WDR35: variants seen among roughly 807,000 people sequenced by gnomAD.
WDR35 encodes WD repeat-containing protein 35.
WDR35 carries 118 observed loss-of-function variants against 158.3 expected under a neutral mutation model. The observed-to-expected ratio is 0.75, with a 90% CI of 0.64 to 0.87. The LOEUF (loss-of-function observed/expected upper bound fraction) is 0.87. WDR35 is among the 40% of genes least tolerant of loss of function. The pLI, the probability that WDR35 is intolerant of heterozygous loss-of-function variation, is 0.00. For synonymous variants in WDR35, 448 were observed against 476.1 expected (o/e 0.94, Z 0.77); for missense variants, 1,263 against 1,405.8 (o/e 0.90, Z 1.62).
At chr2:19,957,604 GA>G (rs1317889302) in intron 11 of WDR35, among the ~76,000 whole-genome samples, 1 of 151,028 alleles carries the variant, frequency 6.6e-6, no homozygotes, top group East Asian at 1.9e-4. Flanking sequence ...CCAGGCTGGA[GA>G]GCTGTGGCAC....
chr2:19,934,947 C>T lies in WDR35; in HGVS notation c.2547+524G>A, dbSNP rs115170817. On this transcript the variant is annotated intron_variant, in intron 21 of 26. Coordinates refer to ENST00000281405, the MANE Select transcript of WDR35 (RefSeq NM_020779.4). This position sits in a 1 kb window ranked among gnomAD's most constrained non-coding sequence, Gnocchi z 4.6. ...ACGGCTCAGTGATTCACATATTAAA[C>T]ACATAAAATACAAACTTATTTACAG... The T allele has an allele frequency of 3.1e-3, 468 of 153,330 alleles. No individual in the cohort carries two copies. The highest frequency in any genetic ancestry group is 4.8e-3 in the Non-Finnish European group (332 of 68,932). The allele number at this position is 153,330 out of a possible 1,614,324, so 9.5% of individuals were successfully genotyped here.
chr2:19,930,504 T>C lies in WDR35; in HGVS notation c.3013A>G (p.Thr1005Ala). The change falls in exon 25 of 27, where the codon ACA becomes GCA. Residue 1005 changes from threonine to alanine, a missense_variant. Thr to Ala is a moderately conservative substitution (Grantham distance 58). Coordinates refer to ENST00000281405, the MANE Select transcript of WDR35 (RefSeq NM_020779.4). The stretch of plus-strand genomic sequence containing the variant: ...CATGCATTATCTGTGAAACGATCTG[T>C]TGTAGACAGAACTTCTTCTTCCAGC... The part of the protein sequence containing the change: ...GLLEEEVLST[T>A]DRFTDNAWRG... The C allele has an allele frequency of 1.2e-6, 2 of 1,614,196 alleles. No homozygotes were observed. Among genetic ancestry groups the C allele is most frequent in the Non-Finnish European group, 1.7e-6 (2 of 1,180,036 alleles).
rs1429328188 is a variant in WDR35, at chr2:19,990,025, C to T, written c.-10G>A. The T allele has an allele frequency of 1.2e-6, 2 of 1,613,872 alleles. No homozygotes were observed. Among genetic ancestry groups the T allele is most frequent in the Non-Finnish European group, 1.7e-6 (2 of 1,179,896 alleles). On this transcript the variant is annotated 5_prime_UTR_variant, in exon 1 of 27. Transcript: ENST00000281405. ...TCAGGTAGAAGAACATCGTGGGATC[C>T]CCGAGAGGGTCACGGCGGCCGCTAA...
intron 25 of WDR35, among the ~76,000 whole-genome samples, chr2:19,924,612 A>G (rs1480497653): frequency 6.6e-6 from 1 of 152,224 alleles, no homozygotes; most frequent in Non-Finnish European, 1.5e-5. Flanking sequence ...ATAGTGCTGC[A>G]GTTATTAGCT....
intron 10 of WDR35, among the ~76,000 whole-genome samples, chr2:19,963,349 C>T (rs76373115): frequency 0.085 from 12,866 of 151,124 alleles, 637 homozygotes; most frequent in East Asian, 0.23. Flanking sequence ...GCACATTCTG[C>T]TTTCTCTGTA....
chr2:19,954,942 C>T (rs1157775634), intron 11 of WDR35, among the ~76,000 whole-genome samples: 1 of 152,164 alleles, frequency 6.6e-6, no homozygotes, highest in Non-Finnish European at 1.5e-5. Flanking sequence ...CCCAGTCCTT[C>T]CTCCCATCCC....
Position 19,983,600 on chromosome 2 carries a change from C to T in WDR35, c.143-1066G>A, listed in dbSNP as rs938426988. On this transcript the variant is annotated intron_variant, in intron 2 of 26. Coordinates refer to ENST00000281405, the MANE Select transcript of WDR35 (RefSeq NM_020779.4). ...TTTAAAATACAAATGTTATGAAGATCTTAAGAATTTGTGAGAATGGGAATT... is the reference window on the plus strand; with the variant it reads ...TTTAAAATACAAATGTTATGAAGATTTTAAGAATTTGTGAGAATGGGAATT... 7.9e-5 allele frequency among the ~76,000 whole-genome samples: 12 copies of T among 152,180 alleles called. No homozygotes were observed. In the South Asian group the frequency reaches 2.3e-3, roughly 29 times the overall value.
intron 18 of WDR35, 21 bp downstream of exon 18, chr2:19,938,244 G>C: frequency 6.2e-7 from 1 of 1,613,972 alleles, no homozygotes; most frequent in Non-Finnish European, 8.5e-7. Flanking sequence ...CATCCTGGGA[G>C]AGTTTGCTTT....
chr2:19,914,971 G>A (rs1329939022), intron 25 of WDR35, among the ~76,000 whole-genome samples: 1 of 152,076 alleles, frequency 6.6e-6, no homozygotes, highest in African/African-American at 2.4e-5. Flanking sequence ...AGCATTAGGA[G>A]AAATACCTAA....
rs1369326817 is a variant in WDR35 at position 19,964,345 on chromosome 2, TC to T, written c.1194+2378del. Among the ~76,000 whole-genome samples the T allele has an allele frequency of 7.2e-5, 11 of 151,772 alleles. No homozygotes were observed. The East Asian group carries it at 2.1e-3, about 29-fold the overall frequency. On this transcript the variant is annotated intron_variant, in intron 10 of 26. Coordinates refer to ENST00000281405, the MANE Select transcript of WDR35 (RefSeq NM_020779.4). Reference sequence around the variant, plus strand: ...CCTGTATTTTGTATATTTTGCCTGTTCACTCTTTTTTTTTCTTTTTTCTTTC... The same window carrying T: ...CCTGTATTTTGTATATTTTGCCTGTTACTCTTTTTTTTTCTTTTTTCTTTC...
At chr2:19,933,860 T>C (rs1158676436) in intron 21 of WDR35, among the ~76,000 whole-genome samples, 4 of 152,168 alleles carry the variant, frequency 2.6e-5, no homozygotes, top group African/African-American at 4.8e-5. Flanking sequence ...CAATTGGTGG[T>C]ATACTCAGTG....
rs1249493379 is a variant in WDR35 at position 19,912,334 on chromosome 2, C to T, written c.*1224G>A. ...ACCATTGTACCAAGGTAATTTTCCA[C>T]GAGGCGCATGAATAGAGACAGAGAC... is the stretch of plus-strand genomic sequence containing the variant. On this transcript the variant is annotated 3_prime_UTR_variant, in exon 27 of 27. Coordinates refer to ENST00000281405, the MANE Select transcript of WDR35 (RefSeq NM_020779.4). 2 of 152,144 alleles carry T rather than the reference C, an allele frequency of 1.3e-5. No homozygotes were observed. Among genetic ancestry groups the T allele is most frequent in the African/African-American group, 2.4e-5 (1 of 41,414 alleles). The allele number at this position is 152,144 out of a possible 1,614,324, so 9.4% of individuals were successfully genotyped here.
At chr2:19,949,787 G>C (rs1488237577) in intron 13 of WDR35, among the ~76,000 whole-genome samples, 1 of 152,144 alleles carries the variant, frequency 6.6e-6, no homozygotes, top group Non-Finnish European at 1.5e-5. Context: ...GGAAATTTAG[G>C]AAACAGAATC....
intron 9 of WDR35, 58 bp from the exon 10 acceptor site, chr2:19,966,967 T>C: frequency 6.5e-7 from 1 of 1,543,712 alleles, no homozygotes; most frequent in Non-Finnish European, 8.9e-7. Context: ...AATTATTTAG[T>C]ATTGGGAAGG....
chr2:19,963,895 C>G (rs528970976), intron 10 of WDR35, among the ~76,000 whole-genome samples: 3 of 152,054 alleles, frequency 2.0e-5, no homozygotes, highest in Non-Finnish European at 4.4e-5. Context: ...AGGCACCCGC[C>G]ACCACACCTG....
At chr2:19,988,652 G>A (rs1211074226) in intron 2 of WDR35, among the ~76,000 whole-genome samples, 1 of 152,192 alleles carries the variant, frequency 6.6e-6, no homozygotes, top group East Asian at 1.9e-4. Context: ...TAAGAAGTGG[G>A]AAGCTGTTTG....
chr2:19,984,831 C>A (rs999590479), intron 2 of WDR35, among the ~76,000 whole-genome samples: 2 of 152,192 alleles, frequency 1.3e-5, no homozygotes, highest in African/African-American at 4.8e-5. Flanking sequence ...CTGTTACATG[C>A]TGCAAAATAA....
In WDR35 at chr2:19,974,530, G is replaced by A. The variant is rs779530203; in HGVS notation, c.674C>T (p.Pro225Leu). The change falls in exon 7 of 27, where the codon CCT becomes CTT. Residue 225 changes from proline to leucine, a missense_variant. Coordinates refer to ENST00000281405, the MANE Select transcript of WDR35 (RefSeq NM_020779.4). Reference protein sequence around the residue: ...GTEGYVEPDCPCLAVCFDNGR... With the variant: ...GTEGYVEPDCLCLAVCFDNGR... ...ATTATCAAAGCAAACAGCAAGGCAAGGGCAATCAGGCTCCACGTAGCCTTC... is the reference window on the plus strand; with the variant it reads ...ATTATCAAAGCAAACAGCAAGGCAAAGGCAATCAGGCTCCACGTAGCCTTC... The A allele has an allele frequency of 6.2e-7, 1 of 1,612,630 alleles. No individual in the cohort carries two copies. The highest frequency in any genetic ancestry group is 8.5e-7 in the Non-Finnish European group (1 of 1,179,166).
At chr2:19,966,049 T>C (rs970204481) in intron 10 of WDR35, among the ~76,000 whole-genome samples, 3 of 152,164 alleles carry the variant, frequency 2.0e-5, no homozygotes, top group Non-Finnish European at 4.4e-5. Flanking sequence ...TATGACTTTT[T>C]AAAAAATACC....
Sources: allele counts gnomAD v4.1 joint callset (sites outside exome capture counted in the v4.1 genomes callset), GRCh38; gene constraint gnomAD v4.1.1; non-coding constraint Gnocchi (gnomAD v3.1); transcripts MANE v1.5; gene names NCBI Gene and HGNC (gene_info 2026-07-23, HGNC 2026-07-21).